Variants in CNTNAP5 observed in about 807,000 individuals in gnomAD.
CNTNAP5 encodes the protein contactin-associated protein-like 5.
CNTNAP5 carries 72 observed loss-of-function variants against 150.2 expected under a neutral mutation model. That is an observed-to-expected ratio of 0.48 (90% CI 0.40 to 0.58). CNTNAP5 has a LOEUF of 0.58. Among genes scored for constraint, CNTNAP5 ranks in the 20% least tolerant of loss-of-function variants. The pLI is 0.00. For synonymous variants in CNTNAP5, 672 were observed against 619.8 expected (o/e 1.08, Z -1.25); for missense variants, 1,636 against 1,626.2 (o/e 1.01, Z -0.10).
intron 6 of CNTNAP5, among the ~76,000 whole-genome samples, chr2:124,464,250 T>C (rs1036960477): frequency 6.6e-6 from 1 of 152,026 alleles, no homozygotes; most frequent in South Asian, 2.1e-4. Flanking sequence ...GCAGGCACTT[T>C]CTAAATGAGG....
intron 13 of CNTNAP5, among the ~76,000 whole-genome samples, chr2:124,659,541 A>T (rs914123356): frequency 2.0e-5 from 3 of 152,112 alleles, no homozygotes; most frequent in Non-Finnish European, 4.4e-5. Flanking sequence ...TTCTCTGCGA[A>T]ATAGCTAACA....
At chr2:124,102,389 C>T (rs1255472074) in intron 1 of CNTNAP5, among the ~76,000 whole-genome samples, 1 of 152,130 alleles carries the variant, frequency 6.6e-6, no homozygotes. Flanking sequence ...TCGATCCTGG[C>T]TGATTTTGCA....
At chr2:124,734,368 C>T (rs1027910385) in intron 13 of CNTNAP5, among the ~76,000 whole-genome samples, 6 of 151,928 alleles carry the variant, frequency 3.9e-5, no homozygotes, top group African/African-American at 1.5e-4. Context: ...GACCTAGTGA[C>T]TTTGTGTGTG....
rs1352328330 is a variant in CNTNAP5 at position 124,589,994 on chromosome 2, G to T, written c.1757-19807G>T. Among the ~76,000 whole-genome samples the T allele has an allele frequency of 2.6e-5, 4 of 152,060 alleles. No individual in the cohort carries two copies. The South Asian group carries it at 8.3e-4, about 32-fold the overall frequency. On this transcript the variant is annotated intron_variant, in intron 11 of 23. Coordinates refer to ENST00000682447, the MANE Select transcript of CNTNAP5 (RefSeq NM_001367498.1). ...ATGAGTGCTCTGACTTCCTGAATGGGTTAATGCTGTTATTATGGGAGTGGG... is the reference window on the plus strand; with the variant it reads ...ATGAGTGCTCTGACTTCCTGAATGGTTTAATGCTGTTATTATGGGAGTGGG...
chr2:124,470,861 G>A (rs1269009625), intron 6 of CNTNAP5, among the ~76,000 whole-genome samples: 1 of 151,804 alleles, frequency 6.6e-6, no homozygotes, highest in Non-Finnish European at 1.5e-5. Context: ...CAGTTTTGTC[G>A]AAGATCAGAT....
intron 13 of CNTNAP5, among the ~76,000 whole-genome samples, chr2:124,650,439 A>G (rs1363674307): frequency 1.3e-5 from 2 of 152,202 alleles, no homozygotes; most frequent in African/African-American, 4.8e-5. Flanking sequence ...GAAAAACAAT[A>G]TATAACATTT....
At chr2:124,263,829 G>C (rs199881034) in intron 3 of CNTNAP5, among the ~76,000 whole-genome samples, 1 of 152,128 alleles carries the variant, frequency 6.6e-6, no homozygotes. Context: ...TTTTGTGTAA[G>C]GTGTAAGGAA....
chr2:124,356,385 C>A (rs2104707845), intron 3 of CNTNAP5, among the ~76,000 whole-genome samples: 1 of 150,260 alleles, frequency 6.7e-6, no homozygotes, highest in South Asian at 2.1e-4. Context: ...TATACATGTG[C>A]CATGCTGGTG....
At chr2:124,646,458 G>A (rs1277059945) in intron 12 of CNTNAP5, among the ~76,000 whole-genome samples, 1 of 152,152 alleles carries the variant, frequency 6.6e-6, no homozygotes, top group African/African-American at 2.4e-5. Flanking sequence ...AAGAGGATGG[G>A]GAGGGAAGAA....
At chr2:124,545,046 C>G (rs1439669767) in intron 10 of CNTNAP5, among the ~76,000 whole-genome samples, 1 of 152,018 alleles carries the variant, frequency 6.6e-6, no homozygotes, top group Non-Finnish European at 1.5e-5. Context: ...CTTAAGAAGA[C>G]AAGTTTACTA....
At chr2:124,170,967 T>C (rs1212951645) in intron 1 of CNTNAP5, among the ~76,000 whole-genome samples, 1 of 152,202 alleles carries the variant, frequency 6.6e-6, no homozygotes, top group Non-Finnish European at 1.5e-5. Flanking sequence ...TGTGTTCTGA[T>C]CCATTAGCCA....
rs531108843 is a variant in CNTNAP5, at chr2:124,887,318, C to T, written c.3437-15564C>T. Among the ~76,000 whole-genome samples the T allele has an allele frequency of 6.6e-5, 10 of 152,142 alleles. No individual in the cohort carries two copies. In the East Asian group the frequency reaches 1.6e-3, roughly 24 times the overall value. On this transcript the variant is annotated intron_variant, in intron 21 of 23. Coordinates refer to ENST00000682447, the MANE Select transcript of CNTNAP5 (RefSeq NM_001367498.1). ...ATGCTTCTATGTGTTTCATAATACACTTCTTCTGATTAGTAATGCATCACA... is the reference window on the plus strand; with the variant it reads ...ATGCTTCTATGTGTTTCATAATACATTTCTTCTGATTAGTAATGCATCACA...
intron 3 of CNTNAP5, among the ~76,000 whole-genome samples, chr2:124,406,035 T>C (rs1206624101): frequency 6.6e-6 from 1 of 152,236 alleles, no homozygotes; most frequent in African/African-American, 2.4e-5. Flanking sequence ...ACAGTGTTTT[T>C]ATCACCATGC....
intron 3 of CNTNAP5, among the ~76,000 whole-genome samples, chr2:124,296,504 T>G (rs1247018648): frequency 1.3e-5 from 2 of 152,190 alleles, no homozygotes; most frequent in African/African-American, 4.8e-5. Flanking sequence ...TGTCACCAAA[T>G]ATCTGCTACC....
In CNTNAP5 at chr2:124,872,224, T is replaced by C. The variant is rs1558808414; in HGVS notation, c.3436+2462T>C. Among the ~76,000 whole-genome samples, 4 of 152,238 alleles carry C rather than the reference T, an allele frequency of 2.6e-5. No homozygotes were observed. In the South Asian group the frequency reaches 8.3e-4, roughly 32 times the overall value. On this transcript the variant is annotated intron_variant, in intron 21 of 23. Coordinates refer to ENST00000682447, the MANE Select transcript of CNTNAP5 (RefSeq NM_001367498.1). ...ATAATTTGTTGTCTCTGTTCTTTTG[T>C]TTGTTTCCATCTTTTTATGTATTTA... is the stretch of plus-strand genomic sequence containing the variant.
At chr2:124,771,267 G>GA (rs1681185654) in intron 16 of CNTNAP5, among the ~76,000 whole-genome samples, 1 of 151,874 alleles carries the variant, frequency 6.6e-6, no homozygotes, top group Non-Finnish European at 1.5e-5. Context: ...AAGGTGCCTA[G>GA]AAAAAAAGGA....
intron 1 of CNTNAP5, among the ~76,000 whole-genome samples, chr2:124,179,977 C>T (rs546641339): frequency 2.0e-4 from 31 of 151,998 alleles, no homozygotes; most frequent in Non-Finnish European, 1.6e-4. Context: ...GATTCTTTTC[C>T]ATTTTTTTTT....
chr2:124,646,240 T>C (rs1678199673), intron 12 of CNTNAP5, among the ~76,000 whole-genome samples: 1 of 152,164 alleles, frequency 6.6e-6, no homozygotes, highest in African/African-American at 2.4e-5. Flanking sequence ...ACAGAGCTAG[T>C]GAGGGAGAAA....
intron 10 of CNTNAP5, among the ~76,000 whole-genome samples, chr2:124,554,486 T>C (rs1369238965): frequency 1.3e-5 from 2 of 149,206 alleles, no homozygotes; most frequent in East Asian, 4.0e-4. Context: ...AGTGGTGAGG[T>C]CATAGCCCAC....
Sources: allele counts gnomAD v4.1 joint callset (sites outside exome capture counted in the v4.1 genomes callset), GRCh38; gene constraint gnomAD v4.1.1; transcripts MANE v1.5; gene names NCBI Gene and HGNC (gene_info 2026-07-23, HGNC 2026-07-21).